MSI2: variants seen among roughly 807,000 people sequenced by gnomAD.
MSI2 encodes musashi RNA binding protein 2, also known as RNA-binding protein Musashi homolog 2.
Under a neutral mutation model 45.6 loss-of-function variants are expected in MSI2, and 17 were observed. That is an observed-to-expected ratio of 0.37 (90% confidence interval 0.26 to 0.56). The LOEUF is 0.56. MSI2 is among the 20% of genes least tolerant of loss of function. MSI2 has a pLI of 0.77. For synonymous variants in MSI2, 156 were observed against 158.2 expected, an observed-to-expected ratio of 0.99 and a Z score of 0.11; for missense variants, 293 against 444.2, an observed-to-expected ratio of 0.66 and a Z score of 3.06.
chr17:57,380,041 T>C (rs1224976453), intron 5 of MSI2, among the ~76,000 whole-genome samples: 1 of 152,118 alleles, frequency 6.6e-6, no homozygotes, highest in African/African-American at 2.4e-5. Context: ...CTGCTGAAAA[T>C]AGGCTAATTG....
In MSI2 at chr17:57,256,685, C is replaced by T; in HGVS notation, c.-58C>T. 1.2e-6 allele frequency: 1 copy of T among 855,948 alleles called. No homozygotes were observed. Among genetic ancestry groups the T allele is most frequent in the Non-Finnish European group, 1.6e-6 (1 of 623,594 alleles). The allele number at this position is 855,948 out of a possible 1,614,324, so 53.0% of individuals were successfully genotyped here. ...CGGGGCTCGGAGCCGGCCGCCGCTC[C>T]GCTCCGATCGCTGTGGGGCTTGGTT... On this transcript the variant is annotated 5_prime_UTR_variant, in exon 1 of 14. Transcript: ENST00000284073.
intron 11 of MSI2, among the ~76,000 whole-genome samples, chr17:57,664,016 A>T (rs1387935109): frequency 6.6e-6 from 1 of 151,960 alleles, no homozygotes; most frequent in Non-Finnish European, 1.5e-5. Context: ...TAAAAAAAAA[A>T]ATAGAGGCAG....
chr17:57,516,554 T>A (rs1223059698), intron 6 of MSI2, among the ~76,000 whole-genome samples: 1 of 152,224 alleles, frequency 6.6e-6, no homozygotes, highest in African/African-American at 2.4e-5. Context: ...CAATACAAAG[T>A]CTGTTATCCC....
intron 5 of MSI2, among the ~76,000 whole-genome samples, chr17:57,309,646 C>T (rs1271903392): frequency 6.6e-6 from 1 of 152,210 alleles, no homozygotes; most frequent in African/African-American, 2.4e-5. Flanking sequence ...GTGACTTGAT[C>T]ATCCTTGAGG....
chr17:57,570,466 T>G (rs1477065), intron 7 of MSI2, among the ~76,000 whole-genome samples: 62,849 of 152,018 alleles, frequency 0.41, 14,064 homozygotes, highest in African/African-American at 0.58. Flanking sequence ...ATCCACGGTT[T>G]TGCAGGGAGC....
At chr17:57,301,179 G>C (rs1434887899) in intron 5 of MSI2, among the ~76,000 whole-genome samples, 1 of 152,184 alleles carries the variant, frequency 6.6e-6, no homozygotes, top group Non-Finnish European at 1.5e-5. Flanking sequence ...AATAAATCTT[G>C]CTTTGTGGTA....
At chr17:57,307,649 T>C (rs1912032446) in intron 5 of MSI2, among the ~76,000 whole-genome samples, 1 of 152,010 alleles carries the variant, frequency 6.6e-6, no homozygotes. Context: ...GGTCTCGAAC[T>C]CCTGACCTCA....
Position 57,340,992 on chromosome 17 carries a change from A to C in MSI2, c.313-60387A>C, listed in dbSNP as rs1346631071. 2.0e-5 allele frequency among the ~76,000 whole-genome samples: 3 copies of C among 152,192 alleles called. No individual in the cohort carries two copies. The East Asian group carries it at 5.8e-4, about 29-fold the overall frequency. ...GATCTGCATTGCTCCCCCGGTATCC[A>C]TTCTGTCCTGGGGTGTGCTCAAGTG... is the stretch of plus-strand genomic sequence containing the variant. On this transcript the variant is annotated intron_variant, in intron 5 of 13. Coordinates refer to ENST00000284073, the MANE Select transcript of MSI2 (RefSeq NM_138962.4).
chr17:57,355,350 T>C (rs1156295025), intron 5 of MSI2, among the ~76,000 whole-genome samples: 1 of 152,208 alleles, frequency 6.6e-6, no homozygotes, highest in African/African-American at 2.4e-5. Context: ...TTGGCCTTGC[T>C]TAGGTCACAG....
intron 5 of MSI2, among the ~76,000 whole-genome samples, chr17:57,297,629 C>T (rs1911091734): frequency 1.3e-5 from 2 of 152,142 alleles, no homozygotes; most frequent in Admixed American, 6.5e-5. Context: ...ATTGACTCTT[C>T]CTTTCACGAA....
chr17:57,535,531 A>T (rs1028492099), intron 7 of MSI2, among the ~76,000 whole-genome samples: 3 of 152,234 alleles, frequency 2.0e-5, no homozygotes, highest in Non-Finnish European at 4.4e-5. Context: ...AGTGTGATGG[A>T]TGACTCTTCT....
chr17:57,435,035 C>T (rs62060453), intron 6 of MSI2, among the ~76,000 whole-genome samples: 208 of 152,274 alleles, frequency 1.4e-3, no homozygotes, highest in Non-Finnish European at 2.6e-3. Flanking sequence ...AGAGAGTTCT[C>T]TTTGCTATGA....
intron 7 of MSI2, among the ~76,000 whole-genome samples, chr17:57,573,398 C>G (rs1015620258): frequency 3.3e-5 from 5 of 152,176 alleles, no homozygotes; most frequent in African/African-American, 1.2e-4. Flanking sequence ...ACTGGGATTT[C>G]CATTTTTCAG....
intron 10 of MSI2, chr17:57,629,108 C>T (rs960060418): frequency 6.6e-6 from 1 of 152,252 alleles, no homozygotes; most frequent in African/African-American, 2.4e-5. Flanking sequence ...ATAACACTAG[C>T]CACAAAGAGC....
At chr17:57,324,314 G>T (rs1484460443) in intron 5 of MSI2, among the ~76,000 whole-genome samples, 5 of 152,196 alleles carry the variant, frequency 3.3e-5, no homozygotes, top group African/African-American at 1.2e-4. Flanking sequence ...CCAAGGAGGG[G>T]TACCGCATGA....
rs551838067 is a variant in MSI2, at chr17:57,341,336, G to T, written c.313-60043G>T. On this transcript the variant is annotated intron_variant, in intron 5 of 13. Transcript: ENST00000284073. ...GATGTGCCCTTCTACCTACCCACCT[G>T]CATTTAAAAGAAAGGTAATCACGTA... 4.6e-3 allele frequency among the ~76,000 whole-genome samples: 703 copies of T among 152,304 alleles called. 25 individuals carry two copies. Among genetic ancestry groups the T allele is most frequent in the Admixed American group, 0.042 (648 of 15,300 alleles).
chr17:57,384,230 G>A (rs2083647331), intron 5 of MSI2, among the ~76,000 whole-genome samples: 1 of 152,178 alleles, frequency 6.6e-6, no homozygotes, highest in African/African-American at 2.4e-5. Context: ...AGGGACAGCT[G>A]GTTTCTTTTT....
the MSI2 span, among the ~76,000 whole-genome samples, chr17:57,698,926 T>TGTGTGC: frequency 4.0e-3 from 536 of 134,096 alleles, 12 homozygotes; most frequent in African/African-American, 0.015. Flanking sequence ...TGTGTGTGTG[T>TGTGTGC]GTGTGTGTGT....
At chr17:57,574,306 A>C (rs564109203) in intron 7 of MSI2, among the ~76,000 whole-genome samples, 1 of 152,350 alleles carries the variant, frequency 6.6e-6, no homozygotes, top group Non-Finnish European at 1.5e-5. Context: ...GTTCCTTTAC[A>C]AGCCAATGAA....
Sources: gnomAD v4.1 joint callset for allele counts (sites outside exome capture counted in the v4.1 genomes callset) on GRCh38, gnomAD v4.1.1 for gene constraint, MANE v1.5 for transcripts, NCBI Gene and HGNC (gene_info 2026-07-23, HGNC 2026-07-21) for gene names.